Variants in SIPA1L2 observed in about 807,000 individuals in gnomAD.
SIPA1L2 encodes the protein signal-induced proliferation-associated 1-like protein 2.
A neutral mutation model predicts 163.9 loss-of-function variants in SIPA1L2; 56 were observed. The ratio of observed to expected loss-of-function variants is 0.34; its 90% confidence interval spans 0.28 to 0.43. The LOEUF (loss-of-function observed/expected upper bound fraction) is 0.43, where lower values mean the gene tolerates loss of function less well. Ranked by LOEUF, SIPA1L2 falls within the 20% of genes least tolerant of loss-of-function variation. The probability of loss-of-function intolerance (pLI) is 1.00; values close to 1 mark genes in which losing one functional copy is unlikely to be tolerated. For missense variants in SIPA1L2, 1,974 were observed against 2,193.5 expected (o/e 0.90, Z 2.00); for synonymous variants, 877 against 865.7 (o/e 1.01, Z -0.23).
At chr1:232,406,220 G>A (rs1660625057) in intron 19 of SIPA1L2, among the ~76,000 whole-genome samples, 2 of 152,064 alleles carry the variant, frequency 1.3e-5, no homozygotes, top group Non-Finnish European at 2.9e-5. Context: ...GAATCAAATG[G>A]CACCAACAAA....
intron 3 of SIPA1L2, among the ~76,000 whole-genome samples, chr1:232,495,061 G>C (rs1288230034): frequency 1.3e-5 from 2 of 152,222 alleles, no homozygotes; most frequent in African/African-American, 4.8e-5. Context: ...ACGTTGCTGA[G>C]AAAGTAGAAA....
rs191185346 is a variant in SIPA1L2, at chr1:232,536,670, C to T, written c.-269-21062G>A. Among the ~76,000 whole-genome samples the T allele has an allele frequency of 1.9e-4, 29 of 152,214 alleles. No individual in the cohort carries two copies. The South Asian group carries it at 2.9e-3, about 15-fold the overall frequency. On this transcript the variant is annotated intron_variant, in intron 2 of 22. Coordinates refer to ENST00000674635, the MANE Select transcript of SIPA1L2 (RefSeq NM_020808.5). ...TGAAAAATAAAACAAACAAACAAAACGACAGAAGTTCTAAGTCTAATAAGC... is the reference window on the plus strand; with the variant it reads ...TGAAAAATAAAACAAACAAACAAAATGACAGAAGTTCTAAGTCTAATAAGC...
At chr1:232,574,711 A>G (rs1294990234) in intron 1 of SIPA1L2, among the ~76,000 whole-genome samples, 2 of 152,320 alleles carry the variant, frequency 1.3e-5, no homozygotes, top group East Asian at 3.9e-4. Flanking sequence ...AATTCCAATA[A>G]TTTTTAAGAA....
chr1:232,465,185 A>G lies in SIPA1L2; in HGVS notation c.2475T>C (p.Ser825=), dbSNP rs1380604108. 2.5e-6 allele frequency: 4 copies of G among 1,614,220 alleles called. No individual in the cohort carries two copies. The highest frequency in any genetic ancestry group is 3.4e-6 in the Non-Finnish European group (4 of 1,180,052). The change falls in exon 9 of 23, where the codon TCT becomes TCC. Residue 825 remains serine (S), a synonymous_variant. Coordinates refer to ENST00000674635, the MANE Select transcript of SIPA1L2 (RefSeq NM_020808.5). This position sits in a 1 kb window ranked among gnomAD's most constrained non-coding sequence, Gnocchi z 4.1. ...CCAGCGTAATGAAGCTGAACTTCAC[A>G]GAGGTATCCACGGTGGCGGTTGTGA... The part of the protein sequence containing the change: ...NFVTTATVDT[S]VKFSFITLGA...
chr1:232,558,758 T>G (rs924062979), intron 2 of SIPA1L2, among the ~76,000 whole-genome samples: 1 of 152,214 alleles, frequency 6.6e-6, no homozygotes, highest in Non-Finnish European at 1.5e-5. Flanking sequence ...ATGCATGTTT[T>G]CTTTAAATTT....
chr1:232,613,590 A>G (rs186379191), intron 1 of SIPA1L2, among the ~76,000 whole-genome samples: 7 of 152,370 alleles, frequency 4.6e-5, no homozygotes, highest in Admixed American at 3.9e-4. Context: ...AGAAGAATAG[A>G]GCAAGGATTA....
chr1:232,561,618 T>C (rs1659043236), intron 2 of SIPA1L2: 1 of 152,154 alleles, frequency 6.6e-6, no homozygotes, highest in Non-Finnish European at 1.5e-5. Flanking sequence ...GAATGAACAG[T>C]CCAATGAGCC....
chr1:232,441,658 T>C (rs1662903775), intron 13 of SIPA1L2, 110 bp downstream of exon 13: 1 of 963,558 alleles, frequency 1.0e-6, no homozygotes. Context: ...CTCAACTTGG[T>C]GCACATAGGT....
At position 232,425,797 on chromosome 1, in the gene SIPA1L2, A is replaced by G. The variant is rs1374908985; in HGVS notation, c.4422T>C (p.Tyr1474=). 2 of 1,613,678 alleles carry G rather than the reference A, an allele frequency of 1.2e-6. No individual in the cohort carries two copies. Among genetic ancestry groups the G allele is most frequent in the East Asian group, 2.2e-5 (1 of 44,860 alleles). The change falls in exon 18 of 23, where the codon TAT becomes TAC. Residue 1474 remains tyrosine (Y), a synonymous_variant. Transcript: ENST00000674635. ...VEEGRRKFSF[Y]GNLSPRRSLY... ...GCGACCTCCTTGGAGACAGGTTCCC[A>G]TAGAACGAAAACTAGGGTTTAAACA...
At chr1:232,630,300 G>A (rs990534048), upstream of SIPA1L2, among the ~76,000 whole-genome samples, 7 of 151,974 alleles carry the variant, frequency 4.6e-5, no homozygotes, top group East Asian at 5.9e-4. Flanking sequence ...CGCAGCCGGT[G>A]CGCTGTTCCC....
intron 6 of SIPA1L2, among the ~76,000 whole-genome samples, chr1:232,480,895 C>A (rs1041959535): frequency 2.0e-5 from 3 of 152,044 alleles, no homozygotes; most frequent in African/African-American, 4.8e-5. Context: ...TCTTTCTGAA[C>A]CCTGTAGTAT....
At chr1:232,604,042 A>T (rs940642269) in intron 1 of SIPA1L2, among the ~76,000 whole-genome samples, 3 of 152,102 alleles carry the variant, frequency 2.0e-5, no homozygotes, top group Admixed American at 1.3e-4. Context: ...CAAACAAATC[A>T]ACCTGATTCC....
At chr1:232,425,320 AT>A (rs1307995120) in intron 18 of SIPA1L2, among the ~76,000 whole-genome samples, 1 of 152,070 alleles carries the variant, frequency 6.6e-6, no homozygotes, top group Admixed American at 6.5e-5. Context: ...TAGCTGAGAT[AT>A]GATGCAGAAG....
intron 10 of SIPA1L2, among the ~76,000 whole-genome samples, 175 bp downstream of exon 10, chr1:232,460,712 A>C (rs562652158): frequency 4.6e-5 from 7 of 152,348 alleles, no homozygotes; most frequent in African/African-American, 1.7e-4. Flanking sequence ...GCTCCTTTTC[A>C]ATTCCTCGAA....
At chr1:232,399,723 A>G (rs951343120) in intron 22 of SIPA1L2, among the ~76,000 whole-genome samples, 1 of 152,188 alleles carries the variant, frequency 6.6e-6, no homozygotes, top group African/African-American at 2.4e-5. Flanking sequence ...CTGCTATACT[A>G]TATTTCCATA....
rs199588573 is a variant in SIPA1L2 at position 232,514,418 on chromosome 1, T to C, written c.922A>G (p.Thr308Ala). Reference protein sequence around the residue: ...VKSEHETFKFTSELEESRLER... With the variant: ...VKSEHETFKFASELEESRLER... Reference sequence around the variant, plus strand: ...AGTCGGCTCTCCTCCAGCTCAGACGTGAACTTGAAAGTTTCGTGCTCACTT... The same window carrying C: ...AGTCGGCTCTCCTCCAGCTCAGACGCGAACTTGAAAGTTTCGTGCTCACTT... The change falls in exon 3 of 23, where the codon ACG (threonine) becomes GCG (alanine). Residue 308 changes from threonine (T) to alanine (A), a missense_variant. Thr to Ala is a moderately conservative substitution (Grantham distance 58, BLOSUM62 0). Transcript: ENST00000674635. 1.1e-3 allele frequency: 1,795 copies of C among 1,614,228 alleles called. 1 individual carries two copies. The highest frequency in any genetic ancestry group is 1.4e-3 in the Non-Finnish European group (1,703 of 1,180,040).
chr1:232,569,569 T>C (rs1348008590), intron 2 of SIPA1L2, among the ~76,000 whole-genome samples: 1 of 152,168 alleles, frequency 6.6e-6, no homozygotes, highest in Non-Finnish European at 1.5e-5. Context: ...TCCCAGCACT[T>C]TGGGAGGCTG....
chr1:232,413,924 C>T (rs945575403), intron 19 of SIPA1L2, among the ~76,000 whole-genome samples: 4 of 152,114 alleles, frequency 2.6e-5, no homozygotes, highest in Non-Finnish European at 4.4e-5. Context: ...ATGGTGTTAC[C>T]TCCCCTCTGG....
At chr1:232,491,741 C>CCT (rs1368936011) in intron 4 of SIPA1L2, among the ~76,000 whole-genome samples, 1 of 152,156 alleles carries the variant, frequency 6.6e-6, no homozygotes, top group Non-Finnish European at 1.5e-5. Context: ...TCTAATCCAA[C>CCT]CTCTCTCTGA....
Sources: allele counts gnomAD v4.1 joint callset (sites outside exome capture counted in the v4.1 genomes callset), GRCh38; gene constraint gnomAD v4.1.1; non-coding constraint Gnocchi (gnomAD v3.1); transcripts MANE v1.5; gene names NCBI Gene and HGNC (gene_info 2026-07-23, HGNC 2026-07-21).